Variants in AHI1 observed in about 807,000 individuals in gnomAD.
The protein encoded by AHI1 is jouberin.
A neutral mutation model predicts 149.3 loss-of-function variants in AHI1; 123 were observed. That is an observed-to-expected ratio of 0.82 (90% confidence interval 0.71 to 0.96). The LOEUF (loss-of-function observed/expected upper bound fraction) is 0.96, where lower values mean the gene tolerates loss of function less well. Ranked by LOEUF, AHI1 falls within the 40% of genes least tolerant of loss-of-function variation. The pLI, the probability that AHI1 is intolerant of heterozygous loss-of-function variation, is 0.00. For synonymous variants in AHI1, 475 were observed against 459.8 expected (o/e 1.03, Z -0.42); for missense variants, 1,439 against 1,422.7 (o/e 1.01, Z -0.18).
At chr6:135,478,618 A>C (rs572729789) in intron 5 of AHI1, among the ~76,000 whole-genome samples, 1 of 152,254 alleles carries the variant, frequency 6.6e-6, no homozygotes, top group African/African-American at 2.4e-5. Context: ...GCAGAGCACG[A>C]AAGTTTGGAA....
chr6:135,401,384 T>C (rs978592983), intron 22 of AHI1, among the ~76,000 whole-genome samples: 2 of 152,156 alleles, frequency 1.3e-5, no homozygotes, highest in African/African-American at 2.4e-5. Context: ...TGGTAGATAC[T>C]CAATAAATAC....
intron 24 of AHI1, among the ~76,000 whole-genome samples, chr6:135,343,471 A>G (rs1248813274): frequency 6.6e-6 from 1 of 151,840 alleles, no homozygotes; most frequent in Non-Finnish European, 1.5e-5. Flanking sequence ...TGAAGGACAC[A>G]CCCTGATTTT....
chr6:135,379,852 C>G, intron 23 of AHI1, among the ~76,000 whole-genome samples: 2 of 151,918 alleles, frequency 1.3e-5, no homozygotes. Context: ...AAACAACTTA[C>G]AGCTTCCTAG....
intron 27 of AHI1, among the ~76,000 whole-genome samples, chr6:135,297,667 T>C (rs1005483527): frequency 6.6e-6 from 1 of 152,130 alleles, no homozygotes; most frequent in Non-Finnish European, 1.5e-5. Context: ...AATAAATGCC[T>C]TTAATTTTAG....
chr6:135,421,355 A>G (rs755863912), intron 20 of AHI1, among the ~76,000 whole-genome samples: 8 of 152,192 alleles, frequency 5.3e-5, no homozygotes, highest in African/African-American at 1.2e-4. Flanking sequence ...AGAAAACGCA[A>G]TATCTATGAA....
At chr6:135,494,079 G>T (rs569170893) in intron 3 of AHI1, among the ~76,000 whole-genome samples, 8 of 152,236 alleles carry the variant, frequency 5.3e-5, no homozygotes, top group African/African-American at 1.7e-4. Context: ...AGAAAGAATC[G>T]GAGATAATTC....
At position 135,461,575 on chromosome 6, in the gene AHI1, T is replaced by C. The variant is rs539518295; in HGVS notation, c.931+1550A>G. ...ATGACAGCAATTCTACTCCTAACAATATGCCCAAGATAAAGGTATGCATGT... is the reference window on the plus strand; with the variant it reads ...ATGACAGCAATTCTACTCCTAACAACATGCCCAAGATAAAGGTATGCATGT... On this transcript the variant is annotated intron_variant, in intron 8 of 28. Transcript: ENST00000265602. 7.9e-5 allele frequency among the ~76,000 whole-genome samples: 12 copies of C among 152,068 alleles called. No individual in the cohort carries two copies. In the South Asian group the frequency reaches 2.1e-3, roughly 26 times the overall value.
At chr6:135,302,739 T>C in intron 26 of AHI1, 15 of 1,282,282 alleles carry the variant, frequency 1.2e-5, no homozygotes, top group Non-Finnish European at 1.4e-5. Flanking sequence ...CAGCAGCACG[T>C]CATATAGGTA....
At chr6:135,451,635 G>T (rs931152485) in intron 11 of AHI1, among the ~76,000 whole-genome samples, 3 of 152,004 alleles carry the variant, frequency 2.0e-5, no homozygotes, top group Admixed American at 2.0e-4. Context: ...ATTCTTGACT[G>T]CCATTTTTGC....
chr6:135,467,231 T>C (rs1189190005), intron 6 of AHI1, among the ~76,000 whole-genome samples: 2 of 152,132 alleles, frequency 1.3e-5, no homozygotes, highest in Non-Finnish European at 2.9e-5. Context: ...TTCTCAAATG[T>C]AAAGATGGCT....
At chr6:135,361,145 G>A (rs550539767) in intron 23 of AHI1, among the ~76,000 whole-genome samples, 2 of 152,054 alleles carry the variant, frequency 1.3e-5, no homozygotes, top group African/African-American at 2.4e-5. Flanking sequence ...AGATTACAAC[G>A]TACCACTGTA....
chr6:135,319,039 T>C (rs539740586), intron 25 of AHI1, among the ~76,000 whole-genome samples: 3 of 152,308 alleles, frequency 2.0e-5, no homozygotes, highest in Admixed American at 6.5e-5. Context: ...TGTTTACAAG[T>C]AACCATAAAA....
chr6:135,488,094 T>C (rs1330533991), intron 5 of AHI1, among the ~76,000 whole-genome samples: 2 of 152,172 alleles, frequency 1.3e-5, no homozygotes, highest in African/African-American at 2.4e-5. Context: ...AAATGTACTA[T>C]ATGTTTTTGT....
At chr6:135,433,331 C>T in intron 15 of AHI1, 75 bp from the exon 16 acceptor site, 1 of 1,095,234 alleles carries the variant, frequency 9.1e-7, no homozygotes, top group Non-Finnish European at 1.3e-6. Flanking sequence ...TAAGAACCAA[C>T]ACAGCCAATG....
chr6:135,472,113 T>C (rs1380702210), intron 5 of AHI1, among the ~76,000 whole-genome samples: 1 of 148,828 alleles, frequency 6.7e-6, no homozygotes, highest in African/African-American at 2.5e-5. Context: ...TTTTGGCAAA[T>C]GTATGCAGTC....
intron 24 of AHI1, among the ~76,000 whole-genome samples, chr6:135,355,618 C>T (rs1388822848): frequency 2.6e-5 from 4 of 151,970 alleles, no homozygotes; most frequent in Admixed American, 6.6e-5. Flanking sequence ...AGAAACATAT[C>T]GGCTGGGCGC....
intron 5 of AHI1, among the ~76,000 whole-genome samples, chr6:135,486,347 A>AC (rs1794470945): frequency 6.6e-6 from 1 of 152,210 alleles, no homozygotes; most frequent in Admixed American, 6.5e-5. Context: ...TTTGTTGCTC[A>AC]CATGTATGGT....
chr6:135,339,050 C>T (rs562870985), intron 24 of AHI1, among the ~76,000 whole-genome samples: 1 of 152,112 alleles, frequency 6.6e-6, no homozygotes, highest in Admixed American at 6.6e-5. Flanking sequence ...GCCTCAGCCT[C>T]CCAAGTAGCT....
At chr6:135,485,373 C>A (rs749925435) in intron 5 of AHI1, among the ~76,000 whole-genome samples, 1 of 152,072 alleles carries the variant, frequency 6.6e-6, no homozygotes, top group Non-Finnish European at 1.5e-5. Context: ...CTGTGCCTGG[C>A]CTTTTGTTTT....
Sources: allele counts gnomAD v4.1 joint callset (sites outside exome capture counted in the v4.1 genomes callset), GRCh38; gene constraint gnomAD v4.1.1; transcripts MANE v1.5; gene names NCBI Gene and HGNC (gene_info 2026-07-23, HGNC 2026-07-21).